Variants in SYT16 observed in about 807,000 individuals in gnomAD.
The protein encoded by SYT16 is synaptotagmin-16.
Under a neutral mutation model 61.4 loss-of-function variants are expected in SYT16, and 42 were observed. The observed-to-expected ratio is 0.68, with a 90% confidence interval of 0.53 to 0.89. The LOEUF is 0.89. Ranked by LOEUF, SYT16 falls within the 40% of genes least tolerant of loss-of-function variation. The pLI is 0.00. For synonymous variants in SYT16, 314 were observed against 302.3 expected, an observed-to-expected ratio of 1.04 and a Z score of -0.40; for missense variants, 804 against 807.3, an observed-to-expected ratio of 1.00 and a Z score of 0.05.
chr14:61,824,333 TATA>T (rs1024967277), intron 1 of SYT16, among the ~76,000 whole-genome samples: 1 of 152,260 alleles, frequency 6.6e-6, no homozygotes. Context: ...ATGGCTTATA[TATA>T]ATAAGCATTT....
chr14:61,983,776 C>T (rs1043791363), intron 2 of SYT16, among the ~76,000 whole-genome samples: 2 of 152,270 alleles, frequency 1.3e-5, no homozygotes, highest in East Asian at 3.9e-4. Flanking sequence ...AGTCCTCCTA[C>T]GTTGGCCACT....
intron 1 of SYT16, among the ~76,000 whole-genome samples, chr14:61,886,751 G>A (rs571450292): frequency 6.6e-6 from 1 of 152,256 alleles, no homozygotes; most frequent in African/African-American, 2.4e-5. Flanking sequence ...TGATATTTTG[G>A]CCTCCTCCCA....
At chr14:62,017,820 A>C (rs1298853306) in intron 3 of SYT16, among the ~76,000 whole-genome samples, 1 of 151,510 alleles carries the variant, frequency 6.6e-6, no homozygotes, top group African/African-American at 2.4e-5. Context: ...TCCTGTGTTC[A>C]GGTGAACTTC....
At chr14:61,915,886 C>T (rs2049103798) in intron 1 of SYT16, among the ~76,000 whole-genome samples, 1 of 152,204 alleles carries the variant, frequency 6.6e-6, no homozygotes, top group African/African-American at 2.4e-5. Context: ...GACATCAGTG[C>T]ATCAGTGATA....
rs1474561474 is a variant in SYT16 at position 62,044,522 on chromosome 14, A to G, written c.524-25081A>G. On this transcript the variant is annotated intron_variant, in intron 3 of 7. Coordinates refer to ENST00000683842, the MANE Select transcript of SYT16 (RefSeq NM_001367656.1). ...TCTGTCCATGTGCTCTCATTGTTCA[A>G]CTCCTACTTATGGGTGAGAACATGA... Among the ~76,000 whole-genome samples the G allele has an allele frequency of 3.3e-5, 5 of 151,528 alleles. No individual in the cohort carries two copies. The East Asian group carries it at 5.8e-4, about 18-fold the overall frequency.
chr14:61,957,011 T>C (rs1013470628), intron 1 of SYT16, among the ~76,000 whole-genome samples: 3 of 151,980 alleles, frequency 2.0e-5, no homozygotes, highest in Admixed American at 1.3e-4. Flanking sequence ...GTTTTCCATG[T>C]ATAAGTCTTT....
chr14:62,110,545 T>C lies in SYT16; in HGVS notation c.*9838T>C, dbSNP rs1235078096. 5 of 152,156 alleles carry C rather than the reference T, an allele frequency of 3.3e-5. No individual in the cohort carries two copies. Among genetic ancestry groups the C allele is most frequent in the Admixed American group, 2.0e-4 (3 of 15,260 alleles). The allele number at this position is 152,156 out of a possible 1,614,324, so 9.4% of individuals were successfully genotyped here. ...AATATATCAAAGTAATTGACACTTTTAGAGCTCTGCCAATCAGTGGGCCAT... is the reference window on the plus strand; with the variant it reads ...AATATATCAAAGTAATTGACACTTTCAGAGCTCTGCCAATCAGTGGGCCAT... On this transcript the variant is annotated 3_prime_UTR_variant, in exon 8 of 8. Transcript: ENST00000683842.
chr14:62,074,684 T>C (rs1294755363), intron 4 of SYT16, among the ~76,000 whole-genome samples: 1 of 152,142 alleles, frequency 6.6e-6, no homozygotes, highest in Non-Finnish European at 1.5e-5. Flanking sequence ...AGGAGAGAAC[T>C]TTTTACTTGG....
intron 3 of SYT16, among the ~76,000 whole-genome samples, chr14:62,007,977 T>G (rs751024859): frequency 1.3e-5 from 2 of 152,086 alleles, no homozygotes; most frequent in Non-Finnish European, 1.5e-5. Context: ...ATATCTTTTT[T>G]TCAATTACCC....
intron 1 of SYT16, among the ~76,000 whole-genome samples, chr14:61,820,946 A>G (rs1354292340): frequency 6.6e-6 from 1 of 152,158 alleles, no homozygotes; most frequent in East Asian, 1.9e-4. Context: ...TCTCTGTCTC[A>G]GACATCTGCT....
intron 3 of SYT16, among the ~76,000 whole-genome samples, chr14:62,051,317 GA>G (rs1699874450): frequency 6.6e-6 from 1 of 152,230 alleles, no homozygotes; most frequent in Admixed American, 6.5e-5. Flanking sequence ...AAGCCCTTTG[GA>G]AAAGTGCAGT....
chr14:61,947,412 A>G (rs1224962561), intron 1 of SYT16, among the ~76,000 whole-genome samples: 1 of 152,010 alleles, frequency 6.6e-6, no homozygotes, highest in Non-Finnish European at 1.5e-5. Context: ...GATAGTTGAC[A>G]CAGCCCCAGA....
At chr14:61,849,316 C>T (rs1390629554) in intron 1 of SYT16, among the ~76,000 whole-genome samples, 3 of 152,146 alleles carry the variant, frequency 2.0e-5, no homozygotes, top group Non-Finnish European at 4.4e-5. Context: ...CTCTTAGTTG[C>T]CCCAGCCAGT....
At chr14:61,963,386 A>T (rs1243407717) in intron 1 of SYT16, among the ~76,000 whole-genome samples, 2 of 152,208 alleles carry the variant, frequency 1.3e-5, no homozygotes, top group African/African-American at 4.8e-5. Context: ...ACAAATGATA[A>T]GGAAGCAAAA....
chr14:61,968,976 T>C (rs754747833), intron 1 of SYT16, among the ~76,000 whole-genome samples: 9 of 152,204 alleles, frequency 5.9e-5, no homozygotes, highest in African/African-American at 2.2e-4. Context: ...TGTTCTTATA[T>C]TGGCTTGCCA....
chr14:61,871,149 G>A (rs972433517), intron 1 of SYT16, among the ~76,000 whole-genome samples: 3 of 152,062 alleles, frequency 2.0e-5, no homozygotes, highest in Admixed American at 6.5e-5. Flanking sequence ...ATAATCTACT[G>A]CTAATTTGGC....
At chr14:61,943,389 A>G (rs751955832) in intron 1 of SYT16, among the ~76,000 whole-genome samples, 2 of 152,248 alleles carry the variant, frequency 1.3e-5, no homozygotes, top group Non-Finnish European at 2.9e-5. Context: ...TTATGAGGCC[A>G]GCATCATCCT....
rs111774468 is a variant in SYT16 at position 61,838,424 on chromosome 14, G to A, written c.-325+25614G>A. 9.9e-3 allele frequency among the ~76,000 whole-genome samples: 1,509 copies of A among 152,200 alleles called. 10 individuals are homozygous for A. The highest frequency in any genetic ancestry group is 0.048 in the Middle Eastern group (14 of 294). On this transcript the variant is annotated intron_variant, in intron 1 of 7. Coordinates refer to ENST00000683842, the MANE Select transcript of SYT16 (RefSeq NM_001367656.1). ...ACTAGGCTGTCAGAGGACCCTCCCA[G>A]CTGTTCACCCACTGACGACCACCCT... is the stretch of plus-strand genomic sequence containing the variant.
intron 1 of SYT16, among the ~76,000 whole-genome samples, chr14:61,858,499 AC>A (rs2046853826): frequency 6.6e-6 from 1 of 152,232 alleles, no homozygotes; most frequent in Non-Finnish European, 1.5e-5. Flanking sequence ...AGAGACTATG[AC>A]TACAACAAAT....
Sources: gnomAD v4.1 joint callset for allele counts (sites outside exome capture counted in the v4.1 genomes callset) on GRCh38, gnomAD v4.1.1 for gene constraint, MANE v1.5 for transcripts, NCBI Gene and HGNC (gene_info 2026-07-23, HGNC 2026-07-21) for gene names.